Variants in OSBPL1A observed in about 807,000 individuals in gnomAD.
The protein encoded by OSBPL1A is oxysterol binding protein like 1A.
OSBPL1A carries 80 observed loss-of-function variants against 137.1 expected under a neutral mutation model. The observed-to-expected ratio is 0.58, with a 90% CI of 0.49 to 0.70. OSBPL1A has a LOEUF of 0.70. Ranked by LOEUF, OSBPL1A falls within the 30% of genes least tolerant of loss-of-function variation. The pLI is 0.00. For missense variants in OSBPL1A, 970 were observed against 1,129.4 expected (o/e 0.86, Z 2.02); for synonymous variants, 365 against 389.7 (o/e 0.94, Z 0.75).
At chr18:24,252,397 C>T (rs959325635) in intron 15 of OSBPL1A, among the ~76,000 whole-genome samples, 9 of 152,010 alleles carry the variant, frequency 5.9e-5, no homozygotes, top group Non-Finnish European at 1.0e-4. Context: ...GAAATCTTAC[C>T]AGCCAGAAGA....
intron 14 of OSBPL1A, among the ~76,000 whole-genome samples, chr18:24,282,905 T>G (rs986915594): frequency 6.6e-6 from 1 of 152,016 alleles, no homozygotes; most frequent in African/African-American, 2.4e-5. Flanking sequence ...GGCCAGGAGT[T>G]CAAGACCAGC....
chr18:24,259,981 C>T (rs750445032), intron 15 of OSBPL1A, among the ~76,000 whole-genome samples: 3 of 152,040 alleles, frequency 2.0e-5, no homozygotes, highest in Admixed American at 6.6e-5. Context: ...CAGAACTCTA[C>T]GCTCAGCAAT....
intron 12 of OSBPL1A, among the ~76,000 whole-genome samples, chr18:24,312,499 A>G (rs1451022085): frequency 6.6e-6 from 1 of 152,214 alleles, no homozygotes; most frequent in Non-Finnish European, 1.5e-5. Flanking sequence ...ACACAATTTT[A>G]CTAACTTACA....
chr18:24,181,116 G>C, intron 19 of OSBPL1A, 29 bp downstream of exon 19: 1 of 1,609,314 alleles, frequency 6.2e-7, no homozygotes, highest in Non-Finnish European at 8.5e-7. Flanking sequence ...GTCTCTAAGA[G>C]TTAGACCTTT....
chr18:24,337,373 C>CA (rs2091191837), intron 5 of OSBPL1A, among the ~76,000 whole-genome samples: 1 of 132,824 alleles, frequency 7.5e-6, no homozygotes, highest in Admixed American at 8.1e-5. Flanking sequence ...ATAAACATAA[C>CA]ATTAACATAA....
chr18:24,179,041 G>A (rs375175344), intron 20 of OSBPL1A: 1 of 152,248 alleles, frequency 6.6e-6, no homozygotes, highest in South Asian at 2.1e-4. Context: ...TTTTATAAGA[G>A]GGCCTCACTG....
rs915238304 is a variant in OSBPL1A, at chr18:24,304,533, A to G, written c.1093-815T>C. Among the ~76,000 whole-genome samples the G allele has an allele frequency of 2.0e-5, 3 of 152,178 alleles. No homozygotes were observed. In the South Asian group the frequency reaches 6.2e-4, roughly 32 times the overall value. ...TATTGTAAATTTGCTTGGTTATCAA[A>G]ATAGAAAATATTTATTCTGAGAATC... On this transcript the variant is annotated intron_variant, in intron 13 of 27. Transcript: ENST00000319481.
At chr18:24,327,577 T>C (rs1193709578) in intron 7 of OSBPL1A, among the ~76,000 whole-genome samples, 2 of 152,056 alleles carry the variant, frequency 1.3e-5, no homozygotes, top group African/African-American at 4.8e-5. Flanking sequence ...ACCCGGCTAA[T>C]TTTTATATTT....
chr18:24,302,305 T>C (rs974132633), intron 14 of OSBPL1A: 2 of 151,854 alleles, frequency 1.3e-5, no homozygotes, highest in Non-Finnish European at 2.9e-5. Context: ...GGTGAAGTCA[T>C]TTATATATGC....
intron 18 of OSBPL1A, 102 bp from the exon 19 acceptor site, chr18:24,181,381 C>T: frequency 1.6e-6 from 2 of 1,262,902 alleles, no homozygotes; most frequent in East Asian, 2.5e-5. Flanking sequence ...AGAACAGAAA[C>T]TAGCAACCCA....
intron 15 of OSBPL1A, among the ~76,000 whole-genome samples, chr18:24,273,095 C>T (rs185287336): frequency 2.6e-4 from 40 of 152,080 alleles, no homozygotes; most frequent in Non-Finnish European, 4.7e-4. Context: ...TTAGTAGAGA[C>T]GGGGGTTTTG....
Position 24,225,088 on chromosome 18 carries a change from C to T in OSBPL1A, c.1555G>A (p.Asp519Asn), listed in dbSNP as rs1567957861. 6.2e-7 allele frequency: 1 copy of T among 1,614,186 alleles called. No homozygotes were observed. ...SRKHRMSEEK[D>N]CGGGDALSNG... The stretch of plus-strand genomic sequence containing the variant: ...GAGAGAGCATCTCCGCCACCACAGT[C>T]TTTTTCTTCGGACATTCTGTGTTTT... The change falls in exon 17 of 28, where the codon GAC becomes AAC. Residue 519 changes from aspartate (D) to asparagine (N), a missense_variant. Asp to Asn is a conservative substitution (Grantham distance 23, BLOSUM62 1). Transcript: ENST00000319481.
intron 5 of OSBPL1A, among the ~76,000 whole-genome samples, chr18:24,338,180 C>G (rs1303935509): frequency 1.3e-5 from 2 of 151,130 alleles, no homozygotes; most frequent in Non-Finnish European, 2.9e-5. Context: ...TCAAGTGATT[C>G]TCCTGCCTCA....
chr18:24,194,920 A>G (rs762101957), intron 18 of OSBPL1A, among the ~76,000 whole-genome samples: 29 of 152,212 alleles, frequency 1.9e-4, no homozygotes, highest in Non-Finnish European at 3.4e-4. Flanking sequence ...TTTGTTTAAA[A>G]TTAATGTTTA....
chr18:24,309,735 T>G (rs1019059384), intron 13 of OSBPL1A, among the ~76,000 whole-genome samples: 1 of 152,102 alleles, frequency 6.6e-6, no homozygotes, highest in African/African-American at 2.4e-5. Flanking sequence ...AGTCTCCAGA[T>G]GTTGAGACAG....
intron 15 of OSBPL1A, among the ~76,000 whole-genome samples, chr18:24,247,134 T>A (rs2088920807): frequency 6.6e-6 from 1 of 152,212 alleles, no homozygotes; most frequent in Non-Finnish European, 1.5e-5. Flanking sequence ...AGCCATGGAC[T>A]GAACCCTAGC....
intron 11 of OSBPL1A, among the ~76,000 whole-genome samples, chr18:24,315,791 AAT>A (rs1568021722): frequency 1.3e-5 from 1 of 75,490 alleles, no homozygotes; most frequent in Non-Finnish European, 2.5e-5. Flanking sequence ...AATATAATAT[AAT>A]ATATAGTATA....
At chr18:24,182,699 A>T (rs115356357) in intron 18 of OSBPL1A, among the ~76,000 whole-genome samples, 37 of 152,308 alleles carry the variant, frequency 2.4e-4, no homozygotes, top group African/African-American at 8.7e-4. Context: ...TTACTGCTGC[A>T]TCACTGGGGA....
Position 24,162,985 on chromosome 18 carries a change from T to C in OSBPL1A, c.*194A>G, listed in dbSNP as rs2086055078. 6.7e-6 allele frequency: 3 copies of C among 446,968 alleles called. No homozygotes were observed. Among genetic ancestry groups the C allele is most frequent in the East Asian group, 8.3e-5 (2 of 24,068 alleles). 27.7% of individuals were successfully genotyped at this position (446,968 alleles called of 1,614,324 possible). A position where few individuals can be genotyped will look rare whatever the true frequency, so the allele number is the denominator to read the frequency against. ...AAATAAGTACATTTTATAGCAAAAT[T>C]ATGCATTTTTCCTAAGACTTTCATC... On this transcript the variant is annotated 3_prime_UTR_variant, in exon 28 of 28. Coordinates refer to ENST00000319481, the MANE Select transcript of OSBPL1A (RefSeq NM_080597.4).
Sources: allele counts gnomAD v4.1 joint callset (sites outside exome capture counted in the v4.1 genomes callset), GRCh38; gene constraint gnomAD v4.1.1; transcripts MANE v1.5; gene names NCBI Gene and HGNC (gene_info 2026-07-23, HGNC 2026-07-21).